The following APBB1IP variants were observed in gnomAD, a reference collection of about 807,000 sequenced individuals.
APBB1IP encodes amyloid beta precursor protein binding family B member 1 interacting protein.
APBB1IP carries 27 observed loss-of-function variants against 64.9 expected under a neutral mutation model. The ratio of observed to expected loss-of-function variants is 0.42; its 90% CI spans 0.31 to 0.57. APBB1IP has a LOEUF of 0.57. Among genes scored for constraint, APBB1IP ranks in the 20% least tolerant of loss-of-function variants. APBB1IP has a pLI of 0.20. For synonymous variants in APBB1IP, 392 were observed against 331.0 expected, an observed-to-expected ratio of 1.18 and a Z score of -2.00; for missense variants, 812 against 845.5, an observed-to-expected ratio of 0.96 and a Z score of 0.49.
chr10:26,528,596 G>C (rs1836509090), intron 8 of APBB1IP, among the ~76,000 whole-genome samples: 1 of 151,942 alleles, frequency 6.6e-6, no homozygotes, highest in Non-Finnish European at 1.5e-5. Flanking sequence ...ATCTCACTAT[G>C]ATCGATCTGT....
intron 2 of APBB1IP, among the ~76,000 whole-genome samples, chr10:26,445,996 G>C (rs1835393923): frequency 6.6e-6 from 1 of 152,198 alleles, no homozygotes; most frequent in Admixed American, 6.5e-5. Context: ...TTACCACCTA[G>C]TAGAACTGTG....
intron 2 of APBB1IP, among the ~76,000 whole-genome samples, chr10:26,454,874 T>A (rs756930520): frequency 1.3e-5 from 2 of 152,168 alleles, no homozygotes; most frequent in Non-Finnish European, 2.9e-5. Flanking sequence ...AGATACCACC[T>A]CACATCCATT....
intron 8 of APBB1IP, among the ~76,000 whole-genome samples, chr10:26,523,460 A>T (rs910501447): frequency 6.6e-6 from 1 of 151,930 alleles, no homozygotes; most frequent in Non-Finnish European, 1.5e-5. Flanking sequence ...TTTGAGCCTT[A>T]CCCTGGGGCA....
chr10:26,519,060 A>C (rs1836368786), intron 8 of APBB1IP, among the ~76,000 whole-genome samples: 1 of 150,758 alleles, frequency 6.6e-6, no homozygotes, highest in African/African-American at 2.4e-5. Flanking sequence ...GGATCACCTA[A>C]GATCAGGAGT....
intron 3 of APBB1IP, among the ~76,000 whole-genome samples, chr10:26,493,361 G>C (rs1835981076): frequency 6.6e-6 from 1 of 152,152 alleles, no homozygotes; most frequent in East Asian, 1.9e-4. Flanking sequence ...ATTAAAGACA[G>C]GCAGGGAAAT....
intron 6 of APBB1IP, among the ~76,000 whole-genome samples, chr10:26,504,828 C>T (rs1836154547): frequency 6.6e-6 from 1 of 152,122 alleles, no homozygotes; most frequent in African/African-American, 2.4e-5. Flanking sequence ...GATCATGGCT[C>T]ACTGCAGCCT....
intron 8 of APBB1IP, among the ~76,000 whole-genome samples, chr10:26,520,441 TA>T (rs1210157741): frequency 6.6e-6 from 1 of 152,210 alleles, no homozygotes; most frequent in South Asian, 2.1e-4. Context: ...TATCAAACTG[TA>T]AAAAACTCTT....
At chr10:26,459,654 T>C (rs983992871) in intron 2 of APBB1IP, among the ~76,000 whole-genome samples, 7 of 152,226 alleles carry the variant, frequency 4.6e-5, no homozygotes, top group South Asian at 2.1e-4. Flanking sequence ...TTTTGAAATT[T>C]TCTTCTCTGT....
intron 2 of APBB1IP, among the ~76,000 whole-genome samples, chr10:26,481,351 T>G (rs1407972563): frequency 6.6e-6 from 1 of 152,212 alleles, no homozygotes; most frequent in Admixed American, 6.5e-5. Context: ...CCCACCCACT[T>G]ATTTCCAAAT....
At position 26,494,743 on chromosome 10, in the gene APBB1IP, T is replaced by G. The variant is rs573125369; in HGVS notation, c.73-1561T>G. 2.0e-5 allele frequency among the ~76,000 whole-genome samples: 3 copies of G among 152,230 alleles called. No individual in the cohort carries two copies. The South Asian group carries it at 6.2e-4, about 32-fold the overall frequency. ...AGGATGCTGAGGCAGGAGAATCATT[T>G]GAACCCAGGAGGCAGAGATTATGGT... is the stretch of plus-strand genomic sequence containing the variant. On this transcript the variant is annotated intron_variant, in intron 3 of 14. Transcript: ENST00000376236.
In APBB1IP at chr10:26,562,363, T is replaced by A. The variant is rs1006407106; in HGVS notation, c.1407T>A (p.Ile469=). The change falls in exon 14 of 15, where the codon ATT becomes ATA. Residue 469 remains isoleucine, a synonymous_variant. Transcript: ENST00000376236. Reference sequence around the variant, plus strand: ...GCACCACCCAGCCCAATGGACAGATTCCCCAGGCTACACATTCTGTCAGTG... The same window carrying A: ...GCACCACCCAGCCCAATGGACAGATACCCCAGGCTACACATTCTGTCAGTG... ...KTGTTQPNGQ[I]PQATHSVSAV... The A allele has an allele frequency of 2.5e-6, 4 of 1,613,810 alleles. No individual in the cohort carries two copies. In the African/African-American group the frequency reaches 5.3e-5, roughly 22 times the overall value.
chr10:26,558,140 A>AACACACACACACACAC (rs58025187), intron 11 of APBB1IP, among the ~76,000 whole-genome samples: 5 of 148,894 alleles, frequency 3.4e-5, no homozygotes, highest in African/African-American at 1.2e-4. Context: ...CACACACACA[A>AACACACACACACACAC]ACACACACAC....
intron 5 of APBB1IP, 155 bp downstream of exon 5, chr10:26,501,266 A>T: frequency 9.1e-7 from 1 of 1,094,944 alleles, no homozygotes; most frequent in Non-Finnish European, 1.3e-6. Flanking sequence ...CAAAGCTAGA[A>T]CCCTCCGTAA....
At chr10:26,506,010 G>A (rs1297539910) in intron 6 of APBB1IP, among the ~76,000 whole-genome samples, 3 of 152,114 alleles carry the variant, frequency 2.0e-5, no homozygotes, top group African/African-American at 4.8e-5. Context: ...CTAGCTGCCT[G>A]GTCTCCTGGC....
intron 11 of APBB1IP, among the ~76,000 whole-genome samples, chr10:26,558,373 G>A (rs533348210): frequency 2.6e-4 from 40 of 152,226 alleles, no homozygotes; most frequent in African/African-American, 7.7e-4. Flanking sequence ...CATCTGGACT[G>A]GAATACCTGC....
chr10:26,567,750 ATTTAT>A lies in APBB1IP; in HGVS notation c.*269_*273del. On this transcript the variant is annotated 3_prime_UTR_variant, in exon 15 of 15. Transcript: ENST00000376236. ...CTGCCTAAAGCGCTGTTTTAGGTTC[ATTTAT>A]TTTATTATGTTCAGAAGCATCAAAT... 1 of 628,264 alleles carries A rather than the reference ATTTAT, an allele frequency of 1.6e-6. No individual in the cohort carries two copies. Among genetic ancestry groups the A allele is most frequent in the Non-Finnish European group, 2.2e-6 (1 of 449,062 alleles). The allele number at this position is 628,264 out of a possible 1,614,324, so 38.9% of individuals were successfully genotyped here. A position where few individuals can be genotyped will look rare whatever the true frequency, so the allele number is the denominator to read the frequency against.
chr10:26,511,604 A>C, intron 6 of APBB1IP, 143 bp from the exon 7 acceptor site: 1 of 911,570 alleles, frequency 1.1e-6, no homozygotes, highest in Non-Finnish European at 1.6e-6. Flanking sequence ...AGTGCTTGGC[A>C]TGCAAGTTAG....
chr10:26,515,191 C>T (rs1352341538), intron 8 of APBB1IP, among the ~76,000 whole-genome samples: 1 of 152,038 alleles, frequency 6.6e-6, no homozygotes, highest in East Asian at 1.9e-4. Flanking sequence ...CAATGGCATG[C>T]TTTAACAACT....
intron 9 of APBB1IP, 108 bp from the exon 10 acceptor site, chr10:26,535,966 C>A: frequency 8.3e-7 from 1 of 1,200,648 alleles, no homozygotes; most frequent in Non-Finnish European, 1.2e-6. Flanking sequence ...GAGTTGTACA[C>A]AAAATTGACT....
Sources: gnomAD v4.1 joint callset for allele counts (sites outside exome capture counted in the v4.1 genomes callset) on GRCh38, gnomAD v4.1.1 for gene constraint, MANE v1.5 for transcripts, NCBI Gene and HGNC (gene_info 2026-07-23, HGNC 2026-07-21) for gene names.